The following F13B variants were observed in gnomAD, a reference collection of about 807,000 sequenced individuals.
F13B encodes TGase.
Under a neutral mutation model 79.8 loss-of-function variants are expected in F13B, and 58 were observed. That is an observed-to-expected ratio of 0.73 (90% CI 0.59 to 0.90). The LOEUF (loss-of-function observed/expected upper bound fraction) is 0.90, where lower values mean the gene tolerates loss of function less well. Among genes scored for constraint, F13B ranks in the 40% least tolerant of loss-of-function variants. The pLI is 0.00. For synonymous variants in F13B, 283 were observed against 260.3 expected, an observed-to-expected ratio of 1.09 and a Z score of -0.84; for missense variants, 773 against 777.0, an observed-to-expected ratio of 0.99 and a Z score of 0.06.
chr1:197,066,710 C>T (rs1571574459), intron 1 of F13B, among the ~76,000 whole-genome samples: 1 of 152,262 alleles, frequency 6.6e-6, no homozygotes, highest in East Asian at 1.9e-4. Flanking sequence ...ATCAAAGTCT[C>T]AAAAGTAAAA....
At chr1:197,060,241 T>C in intron 5 of F13B, 125 bp downstream of exon 5, 1 of 625,038 alleles carries the variant, frequency 1.6e-6, no homozygotes, top group Non-Finnish European at 2.8e-6. Context: ...TAAAAGATAA[T>C]ATTTATTTTA....
Position 197,067,203 on chromosome 1 carries a change from A to T in F13B, c.21T>A (p.Thr7=). 6.2e-7 allele frequency: 1 copy of T among 1,609,868 alleles called. No homozygotes were observed. The highest frequency in any genetic ancestry group is 8.5e-7 in the Non-Finnish European group (1 of 1,176,704). Reference sequence around the variant, plus strand: ...CTGAGATTATCAATATGATGATAAAAGTCAGGTTTTTCAACCTCATCTTCA... The same window carrying T: ...CTGAGATTATCAATATGATGATAAATGTCAGGTTTTTCAACCTCATCTTCA... MRLKNL[T]FIIILIISGE... The change falls in exon 1 of 12, where the codon ACT becomes ACA. Residue 7 remains threonine, a synonymous_variant. Transcript: ENST00000367412.
Position 197,040,511 on chromosome 1 carries a change from A to C in F13B, c.1952+11T>G, listed in dbSNP as rs770616334. 4 of 1,605,174 alleles carry C rather than the reference A, an allele frequency of 2.5e-6. No individual in the cohort carries two copies. The African/African-American group carries it at 5.4e-5, about 22-fold the overall frequency. On this transcript the variant is annotated intron_variant, in intron 11 of 11. Coordinates refer to ENST00000367412, the MANE Select transcript of F13B (RefSeq NM_001994.3). The stretch of plus-strand genomic sequence containing the variant: ...AAAAAATAATCTGACCAAAAAAAAA[A>C]AACTTCTTACCTTTGTCTTGGAATA...
At position 197,055,534 on chromosome 1, in the gene F13B, T is replaced by C. The variant is rs963178276; in HGVS notation, c.1354+181A>G. Among the ~76,000 whole-genome samples the C allele has an allele frequency of 6.6e-5, 10 of 152,112 alleles. No homozygotes were observed. The South Asian group carries it at 8.3e-4, about 13-fold the overall frequency. On this transcript the variant is annotated intron_variant, in intron 8 of 11. Transcript: ENST00000367412. The stretch of plus-strand genomic sequence containing the variant: ...CTACGGTGGTAAATTTTATGTTATG[T>C]ATATTTTACCACAATAGAAAAAATA...
Position 197,039,151 on chromosome 1 carries a change from G to T in F13B, c.*227C>A. The T allele has an allele frequency of 2.0e-6, 1 of 496,386 alleles. No individual in the cohort carries two copies. Among genetic ancestry groups the T allele is most frequent in the Non-Finnish European group, 3.6e-6 (1 of 279,380 alleles). The allele number at this position is 496,386 out of a possible 1,614,324, so 30.7% of individuals were successfully genotyped here. A position where few individuals can be genotyped will look rare whatever the true frequency, so the allele number is the denominator to read the frequency against. On this transcript the variant is annotated 3_prime_UTR_variant, in exon 12 of 12. Transcript: ENST00000367412. ...ATGTGTAGATTAATTTGTAACAGAT[G>T]GAAGACATACAAAAGAGATTAAGTT...
At chr1:197,046,797 C>T (rs1013091397) in intron 10 of F13B, among the ~76,000 whole-genome samples, 1 of 152,158 alleles carries the variant, frequency 6.6e-6, no homozygotes, top group Admixed American at 6.5e-5. Context: ...CAGCATGATA[C>T]TGGTACCAAA....
chr1:197,048,932 G>T (rs1558305688), intron 10 of F13B, among the ~76,000 whole-genome samples: 1 of 151,936 alleles, frequency 6.6e-6, no homozygotes, highest in Non-Finnish European at 1.5e-5. Context: ...TGTCTTAATT[G>T]AATTAAACTA....
In F13B at chr1:197,061,832, A is replaced by G. The variant is rs199567281; in HGVS notation, c.403T>C (p.Cys135Arg). ...TGAGAAGACCATCCATCAGAGAGAC[A>G]TTGAACCACTTCTTCATCCTTCCCT... ...TGGKDEEVVQCLSDGWSSQPT... is the reference protein window; with the variant it reads ...TGGKDEEVVQRLSDGWSSQPT... Residue 135 changes from cysteine (C) to arginine (R), a missense_variant, in exon 3 of 12, where the codon TGT (cysteine) becomes CGT (arginine). By Grantham distance (180) the Cys-to-Arg change is radical. Transcript: ENST00000367412. 2.5e-6 allele frequency: 4 copies of G among 1,613,510 alleles called. No homozygotes were observed. Among genetic ancestry groups the G allele is most frequent in the Non-Finnish European group, 3.4e-6 (4 of 1,179,642 alleles).
chr1:197,045,263 G>A (rs1655187823), intron 10 of F13B, among the ~76,000 whole-genome samples: 1 of 151,858 alleles, frequency 6.6e-6, no homozygotes, highest in South Asian at 2.1e-4. Flanking sequence ...TAGACTGAGA[G>A]CAAGACTAAT....
intron 10 of F13B, among the ~76,000 whole-genome samples, chr1:197,047,468 G>A (rs1335813386): frequency 1.3e-5 from 2 of 152,268 alleles, no homozygotes; most frequent in South Asian, 2.1e-4. Flanking sequence ...TTACAATGGC[G>A]ATCATTAAAA....
At chr1:197,059,954 C>T in intron 5 of F13B, among the ~76,000 whole-genome samples, 1 of 152,072 alleles carries the variant, frequency 6.6e-6, no homozygotes, top group East Asian at 1.9e-4. Context: ...GCTTTTCCTG[C>T]TTTCTCTGCT....
At chr1:197,063,179 A>C in intron 1 of F13B, 122 bp from the exon 2 acceptor site, 1 of 820,988 alleles carries the variant, frequency 1.2e-6, no homozygotes, top group East Asian at 2.5e-5. Flanking sequence ...TATTTTTCTT[A>C]CTTAAATTTT....
At chr1:197,039,872 A>C (rs886964767) in intron 11 of F13B, among the ~76,000 whole-genome samples, 3 of 152,078 alleles carry the variant, frequency 2.0e-5, no homozygotes, top group African/African-American at 7.2e-5. Flanking sequence ...GCACTTTGCC[A>C]CTACTTATAT....
intron 5 of F13B, among the ~76,000 whole-genome samples, chr1:197,059,390 C>A (rs2125070369): frequency 6.6e-6 from 1 of 152,240 alleles, no homozygotes; most frequent in African/African-American, 2.4e-5. Context: ...CCACTGCATA[C>A]CCATGGTCAG....
intron 4 of F13B, 51 bp downstream of exon 4, chr1:197,060,848 G>T: frequency 6.5e-7 from 1 of 1,529,270 alleles, no homozygotes; most frequent in South Asian, 1.1e-5. Flanking sequence ...ACTTCTCTAT[G>T]AGAAAAAGCT....
chr1:197,049,951 TA>T (rs1414842921), intron 10 of F13B, among the ~76,000 whole-genome samples: 14 of 152,100 alleles, frequency 9.2e-5, no homozygotes, highest in Non-Finnish European at 4.4e-5. Flanking sequence ...CAGATATTGC[TA>T]AAAATTAAAC....
At chr1:197,066,371 G>T (rs1656048787) in intron 1 of F13B, among the ~76,000 whole-genome samples, 1 of 152,064 alleles carries the variant, frequency 6.6e-6, no homozygotes, top group East Asian at 1.9e-4. Context: ...GTTCACTCTT[G>T]CTAATGCTAA....
intron 8 of F13B, 115 bp from the exon 9 acceptor site, chr1:197,052,949 A>G (rs1304323753): frequency 5.8e-6 from 4 of 690,334 alleles, no homozygotes; most frequent in African/African-American, 3.7e-5. Context: ...AATTGAAATC[A>G]TAATTAAGGC....
chr1:197,062,217 T>C (rs934977052), intron 2 of F13B, among the ~76,000 whole-genome samples: 2 of 152,066 alleles, frequency 1.3e-5, no homozygotes, highest in African/African-American at 4.8e-5. Flanking sequence ...TCAACCACAA[T>C]AGCCATATTC....
Sources: allele counts gnomAD v4.1 joint callset (sites outside exome capture counted in the v4.1 genomes callset), GRCh38; gene constraint gnomAD v4.1.1; transcripts MANE v1.5; gene names NCBI Gene and HGNC (gene_info 2026-07-23, HGNC 2026-07-21).